The following GNAI1 variants were observed in gnomAD, a reference collection of about 807,000 sequenced individuals.
GNAI1 encodes guanine nucleotide-binding protein G(i) subunit alpha-1.
GNAI1 carries 11 observed loss-of-function variants against 38.9 expected under a neutral mutation model. The ratio of observed to expected loss-of-function variants is 0.28; its 90% CI spans 0.18 to 0.47. The LOEUF (loss-of-function observed/expected upper bound fraction) is 0.47, where lower values mean the gene tolerates loss of function less well. Ranked by LOEUF, GNAI1 falls within the 20% of genes least tolerant of loss-of-function variation. The probability of loss-of-function intolerance (pLI) is 0.99; values close to 1 mark genes in which losing one functional copy is unlikely to be tolerated. For synonymous variants in GNAI1, 166 were observed against 145.1 expected (o/e 1.14, Z -1.04); for missense variants, 317 against 436.9 (o/e 0.73, Z 2.45).
intron 1 of GNAI1, among the ~76,000 whole-genome samples, chr7:80,169,467 G>T (rs1324205152): frequency 6.6e-6 from 1 of 152,112 alleles, no homozygotes; most frequent in Non-Finnish European, 1.5e-5. Context: ...TCAGCAAATT[G>T]TGTATTCAGA....
At chr7:80,192,127 AT>A (rs1788491531) in intron 3 of GNAI1, among the ~76,000 whole-genome samples, 1 of 152,134 alleles carries the variant, frequency 6.6e-6, no homozygotes, top group Non-Finnish European at 1.5e-5. Flanking sequence ...TGCCTAGCAT[AT>A]TTCTTTTAGT....
chr7:80,161,102 A>G (rs184119184), intron 1 of GNAI1, among the ~76,000 whole-genome samples: 1 of 152,314 alleles, frequency 6.6e-6, no homozygotes, highest in Non-Finnish European at 1.5e-5. Context: ...CACCTACTAA[A>G]CTACCTAGCC....
intron 1 of GNAI1, chr7:80,135,825 GA>G (rs1787404260): frequency 1.0e-6 from 1 of 984,834 alleles, no homozygotes; most frequent in Non-Finnish European, 1.2e-6. Flanking sequence ...TTCCTATGGC[GA>G]CTCCTTAAGT....
intron 1 of GNAI1, among the ~76,000 whole-genome samples, chr7:80,138,771 T>C (rs1192434260): frequency 6.6e-6 from 1 of 152,138 alleles, no homozygotes; most frequent in East Asian, 1.9e-4. Flanking sequence ...TCACTGTCCT[T>C]CCTTCCGCTC....
Position 80,222,482 on chromosome 7 carries a change from G to A in GNAI1, c.*4989G>A, listed in dbSNP as rs970221243. Among the ~76,000 whole-genome samples the A allele has an allele frequency of 2.7e-5, 4 of 150,056 alleles. No homozygotes were observed. Among genetic ancestry groups the A allele is most frequent in the African/African-American group, 9.8e-5 (4 of 40,726 alleles). ...GGCTCACCGCAACATCCGCCTCCCG[G>A]GTACAAGCAATTCTCCTGCCTCAGG... On this transcript the variant is annotated 3_prime_UTR_variant, in exon 8 of 8. Coordinates refer to ENST00000649796, the MANE Select transcript of GNAI1 (RefSeq NM_002069.6).
At chr7:80,172,201 C>G (rs1237000586) in intron 1 of GNAI1, among the ~76,000 whole-genome samples, 1 of 152,062 alleles carries the variant, frequency 6.6e-6, no homozygotes, top group African/African-American at 2.4e-5. Flanking sequence ...GTTGGAGGTT[C>G]GTAAAAAGAG....
Position 80,224,852 on chromosome 7 carries a change from G to C in GNAI1, c.*7359G>C, listed in dbSNP as rs1562849666. Among the ~76,000 whole-genome samples the C allele has an allele frequency of 6.6e-6, 1 of 151,972 alleles. No homozygotes were observed. The highest frequency in any genetic ancestry group is 6.6e-5 in the Admixed American group (1 of 15,256). On this transcript the variant is annotated 3_prime_UTR_variant, in exon 8 of 8. Coordinates refer to ENST00000649796, the MANE Select transcript of GNAI1 (RefSeq NM_002069.6). ...TGTTGAACTGATTTGTGATATATTG[G>C]GTTATATAATTTTAAAATTCTACTT... is the stretch of plus-strand genomic sequence containing the variant.
At chr7:80,203,656 A>C in intron 4 of GNAI1, 48 bp from the exon 5 acceptor site, 1 of 1,222,974 alleles carries the variant, frequency 8.2e-7, no homozygotes, top group Non-Finnish European at 1.2e-6. Flanking sequence ...GATGATCTTT[A>C]TTGGCTATAT....
At position 80,222,405 on chromosome 7, in the gene GNAI1, GAGAC is replaced by G. The variant is rs1178616027; in HGVS notation, c.*4916_*4919del. On this transcript the variant is annotated 3_prime_UTR_variant, in exon 8 of 8. Transcript: ENST00000649796. ...TAATTTTTTTTTTTTTTTTTTTCCT[GAGAC>G]AGAGTTTCGTTCTTGTTTCCCAGGC... is the stretch of plus-strand genomic sequence containing the variant. 1.1e-5 allele frequency among the ~76,000 whole-genome samples: 1 copy of G among 87,690 alleles called. No homozygotes were observed. Among genetic ancestry groups the G allele is most frequent in the Admixed American group, 1.2e-4 (1 of 8,474 alleles). 57.5% of individuals were successfully genotyped at this position (87,690 alleles called of 152,430 possible).
At chr7:80,135,515 G>T in intron 1 of GNAI1, 1 of 400,584 alleles carries the variant, frequency 2.5e-6, no homozygotes, top group Non-Finnish European at 4.4e-6. Context: ...CACTTCACTC[G>T]GATGCTTTCG....
chr7:80,136,526 A>G (rs545454423), intron 1 of GNAI1, among the ~76,000 whole-genome samples: 1 of 152,274 alleles, frequency 6.6e-6, no homozygotes, highest in East Asian at 1.9e-4. Flanking sequence ...TAAACTGTGA[A>G]ATAACTTTGC....
intron 1 of GNAI1, chr7:80,135,945 C>G: frequency 3.0e-6 from 3 of 985,382 alleles, no homozygotes; most frequent in Non-Finnish European, 3.6e-6. Flanking sequence ...GGTTGGGAAG[C>G]TTTGCTTTAG....
At chr7:80,137,022 A>G (rs1282816157) in intron 1 of GNAI1, among the ~76,000 whole-genome samples, 1 of 152,148 alleles carries the variant, frequency 6.6e-6, no homozygotes, top group African/African-American at 2.4e-5. Context: ...GTTCAGCAGC[A>G]TCTTTGGCCT....
intron 1 of GNAI1, among the ~76,000 whole-genome samples, chr7:80,165,455 C>T (rs1053060944): frequency 1.3e-5 from 2 of 152,022 alleles, no homozygotes; most frequent in South Asian, 2.1e-4. Context: ...AATATACTAT[C>T]CTAGTGTAAA....
chr7:80,189,027 A>C (rs1317361759), intron 2 of GNAI1, 34 bp downstream of exon 2: 13 of 1,604,804 alleles, frequency 8.1e-6, no homozygotes, highest in South Asian at 2.2e-5. Context: ...TTGCTGTTTA[A>C]GTTAGTGTAC....
rs1789137298 is a variant in GNAI1 at position 80,225,102 on chromosome 7, A to C, written c.*7609A>C. Among the ~76,000 whole-genome samples, 1 of 152,190 alleles carries C rather than the reference A, an allele frequency of 6.6e-6. No individual in the cohort carries two copies. Among genetic ancestry groups the C allele is most frequent in the Non-Finnish European group, 1.5e-5 (1 of 68,036 alleles). ...GGTCTTGGTGTCTTGAATAAATCAC[A>C]CCTTCAGTGACTTTCTTGGGAAATG... On this transcript the variant is annotated 3_prime_UTR_variant, in exon 8 of 8. Transcript: ENST00000649796.
chr7:80,154,526 A>C (rs913099409), intron 1 of GNAI1, among the ~76,000 whole-genome samples: 1 of 152,176 alleles, frequency 6.6e-6, no homozygotes, highest in African/African-American at 2.4e-5. Context: ...GTATACATTA[A>C]TTTCCAGACT....
intron 1 of GNAI1, among the ~76,000 whole-genome samples, chr7:80,178,777 A>G (rs1478508324): frequency 1.3e-5 from 2 of 152,304 alleles, no homozygotes; most frequent in Admixed American, 6.5e-5. Flanking sequence ...GTGGTTTTGA[A>G]TAGAACCCGT....
intron 3 of GNAI1, among the ~76,000 whole-genome samples, chr7:80,198,006 C>G (rs1380432918): frequency 6.6e-6 from 1 of 151,990 alleles, no homozygotes; most frequent in African/African-American, 2.4e-5. Flanking sequence ...TATCTTAAAG[C>G]TACATATCTC....
Sources: gnomAD v4.1 joint callset for allele counts (sites outside exome capture counted in the v4.1 genomes callset) on GRCh38, gnomAD v4.1.1 for gene constraint, MANE v1.5 for transcripts, NCBI Gene and HGNC (gene_info 2026-07-23, HGNC 2026-07-21) for gene names.